MARF1: variants seen among roughly 807,000 people sequenced by gnomAD.
MARF1 encodes the protein limkain-b1.
MARF1 carries 24 observed loss-of-function variants against 168.2 expected under a neutral mutation model. The ratio of observed to expected loss-of-function variants is 0.14; its 90% CI spans 0.10 to 0.20. The LOEUF (loss-of-function observed/expected upper bound fraction) is 0.20, where lower values mean the gene tolerates loss of function less well. Ranked by LOEUF, MARF1 falls within the 10% of genes least tolerant of loss-of-function variation. The pLI is 1.00. For synonymous variants in MARF1, 868 were observed against 822.4 expected, an observed-to-expected ratio of 1.06 and a Z score of -0.95; for missense variants, 1,744 against 2,143.6, an observed-to-expected ratio of 0.81 and a Z score of 3.68.
intron 7 of MARF1, among the ~76,000 whole-genome samples, chr16:15,628,420 A>G (rs1387554995): frequency 6.7e-6 from 1 of 149,534 alleles, no homozygotes; most frequent in Non-Finnish European, 1.5e-5. Context: ...TTTTTTTTTT[A>G]GATTTTTTGA....
At chr16:15,626,337 T>G (rs929378944) in intron 7 of MARF1, among the ~76,000 whole-genome samples, 1 of 152,184 alleles carries the variant, frequency 6.6e-6, no homozygotes, top group Admixed American at 6.5e-5. Flanking sequence ...TTACTAAAAA[T>G]TATTGTACAC....
intron 16 of MARF1, among the ~76,000 whole-genome samples, chr16:15,613,688 T>TAAATAAATAAATAAAA (rs1218152752): frequency 1.8e-4 from 26 of 144,012 alleles, no homozygotes; most frequent in South Asian, 4.4e-4. Flanking sequence ...AATAAATAAA[T>TAAATAAATAAATAAAA]AAAATAAAAT....
intron 10 of MARF1, among the ~76,000 whole-genome samples, chr16:15,624,171 G>A (rs551622218): frequency 2.6e-5 from 4 of 151,466 alleles, no homozygotes; most frequent in Admixed American, 2.0e-4. Flanking sequence ...CTCCCGCCTC[G>A]GCCTCCCAAA....
intron 7 of MARF1, among the ~76,000 whole-genome samples, chr16:15,628,281 G>C (rs1029867064): frequency 2.0e-5 from 3 of 151,998 alleles, no homozygotes; most frequent in African/African-American, 7.3e-5. Flanking sequence ...TAAATCTGGA[G>C]GGCAATACCA....
rs1318383638 is a variant in MARF1 at position 15,635,839 on chromosome 16, C to T, written c.648G>A (p.Gln216=). ...GGAAATAGCCAGCGGAGGTGCAGCC[C>T]TGCAGACTCGGAAACTGATGCAGCT... The part of the protein sequence containing the change: ...VHKLHQFPSL[Q]GCTSAGYFPC... Residue 216 remains glutamine, a synonymous_variant, in exon 3 of 27, where the codon CAG becomes CAA. Transcript: ENST00000396368. 1 of 1,614,218 alleles carries T rather than the reference C, an allele frequency of 6.2e-7. No homozygotes were observed. Among genetic ancestry groups the T allele is most frequent in the Admixed American group, 1.7e-5 (1 of 60,020 alleles).
intron 23 of MARF1, chr16:15,601,229 C>T (rs2032392469): frequency 2.7e-6 from 1 of 375,476 alleles, no homozygotes; most frequent in Admixed American, 3.5e-5. Context: ...GATCTCAGCT[C>T]CCAGGCAAGC....
At chr16:15,641,615 G>GA (rs1287871188) in intron 1 of MARF1, among the ~76,000 whole-genome samples, 1 of 152,182 alleles carries the variant, frequency 6.6e-6, no homozygotes, top group East Asian at 1.9e-4. Context: ...ATATAATGAT[G>GA]AAAAAAACCC....
intron 10 of MARF1, among the ~76,000 whole-genome samples, chr16:15,624,078 A>AT (rs2034664666): frequency 6.6e-6 from 1 of 151,908 alleles, no homozygotes; most frequent in Admixed American, 6.6e-5. Flanking sequence ...CGCCCGGCTA[A>AT]TTTTTTGTAT....
rs752108212 is a variant in MARF1, at chr16:15,596,758, T to C, written c.5164A>G (p.Lys1722Glu). The C allele has an allele frequency of 6.2e-7, 1 of 1,612,014 alleles. No homozygotes were observed. The highest frequency in any genetic ancestry group is 1.3e-5 in the African/African-American group (1 of 75,002). ...SKDPVESPAKKQPKNRVKLAA... is the reference protein window; with the variant it reads ...SKDPVESPAKEQPKNRVKLAA... ...AATTTGACTCTATTTTTGGGTTGCT[T>C]TTTGGCCGGGCTTTCCACGGGGTCC... Residue 1722 changes from lysine (K) to glutamate (E), a missense_variant, in exon 27 of 27, where the codon AAG becomes GAG. By Grantham distance (56) the Lys-to-Glu change is moderately conservative (BLOSUM62 1). Coordinates refer to ENST00000396368, the MANE Select transcript of MARF1 (RefSeq NM_014647.4).
At chr16:15,625,843 G>T in intron 7 of MARF1, 43 bp from the exon 8 acceptor site, 1 of 1,492,718 alleles carries the variant, frequency 6.7e-7, no homozygotes, top group Non-Finnish European at 9.2e-7. Flanking sequence ...TAATTCAAGG[G>T]CACACATTCA....
chr16:15,607,480 C>T (rs1216442539), intron 21 of MARF1, among the ~76,000 whole-genome samples: 2 of 152,044 alleles, frequency 1.3e-5, no homozygotes, highest in East Asian at 1.9e-4. Flanking sequence ...ACCTGGGAGG[C>T]GGAGGTTGCA....
intron 25 of MARF1, 130 bp from the exon 26 acceptor site, chr16:15,599,154 T>TAAAAAAAAAA (rs565989147): frequency 2.7e-4 from 82 of 299,178 alleles, no homozygotes; most frequent in Middle Eastern, 1.0e-3. Context: ...TTTAAGGTAT[T>TAAAAAAAAAA]AAAAAAAAAA....
chr16:15,618,145 A>G (rs2034200195), intron 13 of MARF1, among the ~76,000 whole-genome samples: 1 of 152,160 alleles, frequency 6.6e-6, no homozygotes, highest in Non-Finnish European at 1.5e-5. Context: ...AAATGGGGTG[A>G]TGATAGCGCC....
At position 15,640,534 on chromosome 16, in the gene MARF1, T is replaced by C. The variant is rs565614897; in HGVS notation, c.-58-1243A>G. ...GCCTGGGCAACATGGCAAAACCCCA[T>C]GGCTACAAAAAATTAGCTGAGCGTG... On this transcript the variant is annotated intron_variant, in intron 1 of 26. Transcript: ENST00000396368. Among the ~76,000 whole-genome samples the C allele has an allele frequency of 4.7e-4, 72 of 151,944 alleles. 1 individual carries two copies. Among genetic ancestry groups the C allele is most frequent in the Admixed American group, 4.7e-3 (72 of 15,258 alleles).
At chr16:15,628,172 A>T (rs564778959) in intron 7 of MARF1, among the ~76,000 whole-genome samples, 57 of 152,320 alleles carry the variant, frequency 3.7e-4, no homozygotes, top group African/African-American at 1.2e-3. Flanking sequence ...ATATTAATAT[A>T]TATTAACATG....
At position 15,595,046 on chromosome 16, in the gene MARF1, A is replaced by G. The variant is rs1406770497; in HGVS notation, c.*1647T>C. 6.6e-6 allele frequency: 1 copy of G among 152,592 alleles called. No individual in the cohort carries two copies. Among genetic ancestry groups the G allele is most frequent in the Non-Finnish European group, 1.5e-5 (1 of 68,038 alleles). The allele number at this position is 152,592 out of a possible 1,614,324, so 9.5% of individuals were successfully genotyped here. A position where few individuals can be genotyped will look rare whatever the true frequency, so the allele number is the denominator to read the frequency against. Reference sequence around the variant, plus strand: ...GCAACTGATGTTCTCAACACCAATTATTATTACTTTGTTTAAAAGCTCCTT... The same window carrying G: ...GCAACTGATGTTCTCAACACCAATTGTTATTACTTTGTTTAAAAGCTCCTT... On this transcript the variant is annotated 3_prime_UTR_variant, in exon 27 of 27. Transcript: ENST00000396368.
intron 4 of MARF1, 93 bp downstream of exon 4, chr16:15,634,664 T>C: frequency 8.0e-7 from 1 of 1,242,484 alleles, no homozygotes. Flanking sequence ...TTTAGAACCA[T>C]AAGGAATCCT....
At chr16:15,617,025 A>G (rs758975029) in intron 15 of MARF1, 27 bp downstream of exon 15, 17 of 1,598,050 alleles carry the variant, frequency 1.1e-5, no homozygotes, top group Non-Finnish European at 1.4e-5. Flanking sequence ...AGGGCATTAT[A>G]TCGACAAAGG....
At chr16:15,603,783 A>AACCTTCCTTTCTGCCCT (rs1379838798) in intron 22 of MARF1, among the ~76,000 whole-genome samples, 1 of 152,090 alleles carries the variant, frequency 6.6e-6, no homozygotes, top group African/African-American at 2.4e-5. Context: ...CTGGCTGGCC[A>AACCTTCCTTTCTGCCCT]ACCTTCCTTT....
Sources: allele counts gnomAD v4.1 joint callset (sites outside exome capture counted in the v4.1 genomes callset), GRCh38; gene constraint gnomAD v4.1.1; transcripts MANE v1.5; gene names NCBI Gene and HGNC (gene_info 2026-07-23, HGNC 2026-07-21).